Variants in FHOD3 observed in about 807,000 individuals in gnomAD.
FHOD3 encodes formin homology 2 domain containing 3.
In FHOD3, 90 loss-of-function variants were observed where a neutral mutation model predicts 173.0. The observed-to-expected ratio is 0.52, with a 90% confidence interval of 0.44 to 0.62. The LOEUF (loss-of-function observed/expected upper bound fraction) is 0.62, where lower values mean the gene tolerates loss of function less well. Ranked by LOEUF, FHOD3 falls within the 20% of genes least tolerant of loss-of-function variation. FHOD3 has a pLI of 0.00. For synonymous variants in FHOD3, 828 were observed against 823.0 expected (o/e 1.01, Z -0.10); for missense variants, 1,945 against 2,034.7 (o/e 0.96, Z 0.85).
At position 36,652,742 on chromosome 18, in the gene FHOD3, G is replaced by T; in HGVS notation, c.1459G>T (p.Ala487Ser). 2.0e-6 allele frequency: 3 copies of T among 1,535,808 alleles called. No individual in the cohort carries two copies. The highest frequency in any genetic ancestry group is 2.6e-6 in the Non-Finnish European group (3 of 1,146,716). ...GSSGSEATPS[A>S]LLSPPASAAR... ...CTCTGGGTCTGAGGCCACCCCATCT[G>T]CCCTCCTGTCACCCCCTGCCTCAGC... The change falls in exon 12 of 29, where the codon GCC becomes TCC. Residue 487 changes from alanine to serine, a missense_variant. This residue lies in a region of FHOD3 where 1,099 missense variants were observed against 1,051.2 expected (regional missense o/e 1.05). Transcript: ENST00000590592.
intron 27 of FHOD3, among the ~76,000 whole-genome samples, chr18:36,761,489 C>G (rs191121236): frequency 3.7e-3 from 561 of 152,278 alleles, no homozygotes; most frequent in South Asian, 4.4e-3. Context: ...TTGGAGGCCC[C>G]CTGTAGGCAG....
At chr18:36,732,855 C>T (rs2041439584) in intron 20 of FHOD3, among the ~76,000 whole-genome samples, 2 of 152,202 alleles carry the variant, frequency 1.3e-5, no homozygotes, top group South Asian at 4.1e-4. Flanking sequence ...CGTGTCCCCG[C>T]AGACCCTAAC....
intron 24 of FHOD3, 149 bp downstream of exon 24, chr18:36,747,284 G>T (rs2042196293): frequency 2.0e-6 from 1 of 504,798 alleles, no homozygotes; most frequent in Non-Finnish European, 3.4e-6. Flanking sequence ...ATGTTTAACA[G>T]TTTCATGGAT....
chr18:36,473,288 C>G (rs2053384529), intron 3 of FHOD3, among the ~76,000 whole-genome samples: 1 of 152,210 alleles, frequency 6.6e-6, no homozygotes, highest in African/African-American at 2.4e-5. Flanking sequence ...GTGGCACACG[C>G]CTGTGATCCC....
intron 21 of FHOD3, among the ~76,000 whole-genome samples, chr18:36,742,021 A>G (rs1207232775): frequency 1.3e-5 from 2 of 152,298 alleles, no homozygotes; most frequent in East Asian, 3.9e-4. Context: ...GGGAGGTAAC[A>G]TCAGGGAGAA....
chr18:36,298,070 C>T, intron 1 of FHOD3, 70 bp downstream of exon 1: 1 of 1,350,172 alleles, frequency 7.4e-7, no homozygotes, highest in East Asian at 3.1e-5. Flanking sequence ...CGGGGTGGGT[C>T]CCGGGGCTTC....
At chr18:36,675,610 C>G (rs1302515911) in intron 14 of FHOD3, among the ~76,000 whole-genome samples, 2 of 152,214 alleles carry the variant, frequency 1.3e-5, no homozygotes, top group Admixed American at 6.5e-5. Flanking sequence ...TGCATTCACT[C>G]AGCTGTTGCC....
chr18:36,420,805 C>A (rs1328052184), intron 3 of FHOD3, among the ~76,000 whole-genome samples: 1 of 152,120 alleles, frequency 6.6e-6, no homozygotes, highest in Non-Finnish European at 1.5e-5. Context: ...GGCTTTCTGA[C>A]CATGGGGGAC....
chr18:36,516,700 C>T (rs1018184501), intron 5 of FHOD3, among the ~76,000 whole-genome samples: 14 of 152,196 alleles, frequency 9.2e-5, no homozygotes, highest in African/African-American at 3.4e-4. Flanking sequence ...GCTATATTTG[C>T]ACCACTGCAC....
intron 5 of FHOD3, among the ~76,000 whole-genome samples, chr18:36,542,896 G>A (rs888413136): frequency 1.3e-5 from 2 of 152,174 alleles, no homozygotes; most frequent in African/African-American, 4.8e-5. Flanking sequence ...TCATTTTTAT[G>A]TATCAACTCA....
chr18:36,712,843 CAAA>C (rs111496299), intron 18 of FHOD3, among the ~76,000 whole-genome samples: 1,525 of 139,680 alleles, frequency 0.011, 24 homozygotes, highest in African/African-American at 0.036. Context: ...AACTAAAGAC[CAAA>C]AAAAAAAAAA....
intron 10 of FHOD3, among the ~76,000 whole-genome samples, chr18:36,632,833 G>A (rs1267208256): frequency 6.6e-6 from 1 of 152,142 alleles, no homozygotes; most frequent in Non-Finnish European, 1.5e-5. Context: ...TTTGTCTGAG[G>A]GGCAAAAGAC....
chr18:36,773,334 C>T (rs1172928239), intron 28 of FHOD3, among the ~76,000 whole-genome samples: 1 of 152,196 alleles, frequency 6.6e-6, no homozygotes, highest in African/African-American at 2.4e-5. Context: ...AAGAACCTGT[C>T]TTTCCTACCT....
At chr18:36,441,094 A>T (rs1017724129) in intron 3 of FHOD3, among the ~76,000 whole-genome samples, 2 of 152,092 alleles carry the variant, frequency 1.3e-5, no homozygotes, top group Non-Finnish European at 1.5e-5. Context: ...CAGTTCCAGG[A>T]GGATAGTCTC....
intron 2 of FHOD3, among the ~76,000 whole-genome samples, chr18:36,370,417 A>G (rs1402193115): frequency 6.6e-6 from 1 of 151,788 alleles, no homozygotes; most frequent in Admixed American, 6.6e-5. Context: ...GGAAAAGATG[A>G]CCCCTCCAGG....
chr18:36,491,661 T>C (rs551977469), intron 3 of FHOD3, among the ~76,000 whole-genome samples: 1 of 149,980 alleles, frequency 6.7e-6, no homozygotes, highest in African/African-American at 2.5e-5. Context: ...GAGTTCACTA[T>C]GTATGTGTAG....
At chr18:36,723,097 T>C (rs184318424) in intron 19 of FHOD3, among the ~76,000 whole-genome samples, 73 of 152,188 alleles carry the variant, frequency 4.8e-4, no homozygotes, top group African/African-American at 1.7e-3. Context: ...CAGAGAAAGA[T>C]GTCAGGGCCA....
At position 36,457,852 on chromosome 18, in the gene FHOD3, T is replaced by G. The variant is rs2144603278; in HGVS notation, c.338-44080T>G. Among the ~76,000 whole-genome samples, 2 of 152,328 alleles carry G rather than the reference T, an allele frequency of 1.3e-5. 1 individual carries two copies. The highest frequency in any genetic ancestry group is 4.2e-4 in the South Asian group (2 of 4,816). On this transcript the variant is annotated intron_variant, in intron 3 of 28. Coordinates refer to ENST00000590592, the MANE Select transcript of FHOD3 (RefSeq NM_001281740.3). The stretch of plus-strand genomic sequence containing the variant: ...TTCTGCTGAATCGGATGTTACATAG[T>G]AGGCAAAGATCTCAGTAGACTAATT...
In FHOD3 at chr18:36,297,718, TGCGAGTCC is replaced by T. The variant is rs933607558; in HGVS notation, c.-112_-105del. The T allele has an allele frequency of 1.1e-5, 7 of 633,102 alleles. No individual in the cohort carries two copies. Among genetic ancestry groups the T allele is most frequent in the East Asian group, 7.9e-5 (1 of 12,700 alleles). 39.2% of individuals were successfully genotyped at this position (633,102 alleles called of 1,614,324 possible). A position where few individuals can be genotyped will look rare whatever the true frequency, so the allele number is the denominator to read the frequency against. On this transcript the variant is annotated 5_prime_UTR_variant, in exon 1 of 29. Coordinates refer to ENST00000590592, the MANE Select transcript of FHOD3 (RefSeq NM_001281740.3). ...GGCTGCAGCCCGGCGCGCCTGAGCC[TGCGAGTCC>T]GCGAGCCAGCGAGCTGCGGCTGCGG... is the stretch of plus-strand genomic sequence containing the variant.
Sources: allele counts gnomAD v4.1 joint callset (sites outside exome capture counted in the v4.1 genomes callset), GRCh38; gene constraint gnomAD v4.1.1; regional missense constraint gnomAD v4.1.1; transcripts MANE v1.5; gene names NCBI Gene and HGNC (gene_info 2026-07-23, HGNC 2026-07-21).